KLRG1: variants seen among roughly 807,000 people sequenced by gnomAD.
KLRG1 encodes the protein killer cell lectin-like receptor subfamily G member 1.
A neutral mutation model predicts 21.8 loss-of-function variants in KLRG1; 16 were observed. The ratio of observed to expected loss-of-function variants is 0.73; its 90% confidence interval spans 0.50 to 1.11. The LOEUF (loss-of-function observed/expected upper bound fraction) is 1.11, where lower values mean the gene tolerates loss of function less well. Ranked by LOEUF, KLRG1 falls within the 50% of genes most tolerant of loss-of-function variation. The pLI is 0.00. For synonymous variants in KLRG1, 69 were observed against 75.9 expected (o/e 0.91, Z 0.47); for missense variants, 173 against 218.3 (o/e 0.79, Z 1.31).
At chr12:9,201,102 C>A in the KLRG1 span, 2 of 1,606,176 alleles carry the variant, frequency 1.2e-6, no homozygotes, top group Non-Finnish European at 1.7e-6. Context: ...CATTTAGTCA[C>A]AATAGTCCTT....
the KLRG1 span, among the ~76,000 whole-genome samples, chr12:9,026,003 T>C: frequency 6.6e-6 from 1 of 152,216 alleles, no homozygotes; most frequent in Non-Finnish European, 1.5e-5. Flanking sequence ...TGGGCAGCCC[T>C]GCGAGCTTGG....
chr12:9,212,297 C>G, the KLRG1 span, among the ~76,000 whole-genome samples: 2 of 152,138 alleles, frequency 1.3e-5, no homozygotes, highest in South Asian at 4.1e-4. Flanking sequence ...GTTTTAAGAT[C>G]CACAGTGGGA....
chr12:9,074,725 G>A, the KLRG1 span: 75 of 1,613,760 alleles, frequency 4.6e-5, 1 homozygote, highest in South Asian at 2.3e-4. Flanking sequence ...CCTGGGGTTC[G>A]TAAAAATGCC....
At chr12:9,072,767 G>A in the KLRG1 span, 4 of 1,614,174 alleles carry the variant, frequency 2.5e-6, no homozygotes, top group Admixed American at 6.7e-5. Flanking sequence ...GGAATTTGCT[G>A]GAAAATGTCC....
chr12:9,203,802 G>A, the KLRG1 span: 923 of 1,614,048 alleles, frequency 5.7e-4, 3 homozygotes, highest in African/African-American at 0.011. Context: ...GTCCTTCTCC[G>A]CCACCAGGTC....
intron 1 of KLRG1, among the ~76,000 whole-genome samples, chr12:8,974,920 G>A (rs1046622316): frequency 2.0e-5 from 3 of 150,660 alleles, no homozygotes; most frequent in East Asian, 1.9e-4. Flanking sequence ...TTTTGAGACA[G>A]AGTCTTGCTC....
chr12:9,201,354 G>A, the KLRG1 span: 1 of 1,556,622 alleles, frequency 6.4e-7, no homozygotes, highest in South Asian at 1.1e-5. Context: ...GAATCTATAT[G>A]ATAAAAGGAA....
the KLRG1 span, among the ~76,000 whole-genome samples, chr12:9,187,077 CAAAAA>C: frequency 7.8e-6 from 1 of 128,732 alleles, no homozygotes; most frequent in Admixed American, 7.7e-5. Context: ...CAAGAAAGGT[CAAAAA>C]AAAAAAAAAA....
At chr12:9,038,854 G>C in the KLRG1 span, among the ~76,000 whole-genome samples, 4 of 149,068 alleles carry the variant, frequency 2.7e-5, no homozygotes, top group Non-Finnish European at 4.4e-5. Flanking sequence ...GCAGTGAGCA[G>C]AGATCGTGGG....
chr12:9,045,335 C>T, the KLRG1 span, among the ~76,000 whole-genome samples: 24 of 152,092 alleles, frequency 1.6e-4, no homozygotes, highest in African/African-American at 2.7e-4. Flanking sequence ...ACAAAAATGA[C>T]GACAGAGGAA....
chr12:9,201,413 T>A, the KLRG1 span: 2 of 1,273,852 alleles, frequency 1.6e-6, no homozygotes, highest in Non-Finnish European at 1.1e-6. Context: ...TTCAGACTTG[T>A]GATCAAACAA....
chr12:9,048,003 C>G, the KLRG1 span, among the ~76,000 whole-genome samples: 1 of 152,276 alleles, frequency 6.6e-6, no homozygotes, highest in South Asian at 2.1e-4. Flanking sequence ...AATTGAATAG[C>G]ACAATCAATC....
chr12:9,203,729 T>C, the KLRG1 span: 18 of 1,608,090 alleles, frequency 1.1e-5, no homozygotes, highest in Non-Finnish European at 1.4e-5. Flanking sequence ...CAATAAAATG[T>C]ATCAAGCAGG....
At chr12:9,203,698 A>T in the KLRG1 span, 2 of 1,556,288 alleles carry the variant, frequency 1.3e-6, no homozygotes, top group African/African-American at 1.4e-5. Flanking sequence ...CCAGAGCTCC[A>T]TCACCATGAC....
the KLRG1 span, among the ~76,000 whole-genome samples, chr12:9,053,151 G>A: frequency 2.0e-5 from 3 of 152,110 alleles, no homozygotes; most frequent in South Asian, 6.2e-4. Context: ...TAGGTTCGTT[G>A]GCACATCTAA....
the KLRG1 span, chr12:9,128,078 C>T: frequency 4.8e-6 from 1 of 207,078 alleles, no homozygotes; most frequent in East Asian, 1.3e-4. Flanking sequence ...TGAGCTGACC[C>T]CGGCCAGGGC....
At chr12:9,006,800 A>C (rs1947486235) in intron 3 of KLRG1, among the ~76,000 whole-genome samples, 1 of 152,204 alleles carries the variant, frequency 6.6e-6, no homozygotes, top group East Asian at 1.9e-4. Context: ...ATCCTCATAA[A>C]GAAGTTGACG....
chr12:9,113,542 G>A, the KLRG1 span: 1 of 1,613,106 alleles, frequency 6.2e-7, no homozygotes, highest in Non-Finnish European at 8.5e-7. Flanking sequence ...ACCATATACT[G>A]CCTGGGAATG....
chr12:8,950,175 G>A (rs1435584105), exon 1 of KLRG1: 1 of 152,204 alleles, frequency 6.6e-6, no homozygotes, highest in African/African-American at 2.4e-5. Flanking sequence ...GTGCAGCGAC[G>A]GGGCCGTGAT....
Sources: allele counts gnomAD v4.1 joint callset (sites outside exome capture counted in the v4.1 genomes callset), GRCh38; gene constraint gnomAD v4.1.1; transcripts MANE v1.5; gene names NCBI Gene and HGNC (gene_info 2026-07-23, HGNC 2026-07-21).